The following CCDC178 variants were observed in gnomAD, a reference collection of about 807,000 sequenced individuals.
CCDC178 encodes the protein coiled-coil domain containing 178.
In CCDC178, 126 loss-of-function variants were observed where a neutral mutation model predicts 117.4. That is an observed-to-expected ratio of 1.07 (90% confidence interval 0.93 to 1.24). The LOEUF is 1.24. Ranked by LOEUF, CCDC178 falls within the 50% of genes most tolerant of loss-of-function variation. CCDC178 has a pLI of 0.00. For missense variants in CCDC178, 1,030 were observed against 986.9 expected, an observed-to-expected ratio of 1.04 and a Z score of -0.59; for synonymous variants, 283 against 313.4, an observed-to-expected ratio of 0.90 and a Z score of 1.02.
chr18:32,960,470 A>T (rs1453773783), intron 22 of CCDC178, among the ~76,000 whole-genome samples: 1 of 152,158 alleles, frequency 6.6e-6, no homozygotes, highest in Non-Finnish European at 1.5e-5. Context: ...TGAAAAAAAT[A>T]GAGTAGATTT....
intron 14 of CCDC178, among the ~76,000 whole-genome samples, chr18:33,252,560 C>T (rs1450031838): frequency 6.6e-6 from 1 of 151,724 alleles, no homozygotes; most frequent in East Asian, 1.9e-4. Flanking sequence ...TTTGACACTT[C>T]TGTGAAGCAA....
Position 33,102,171 on chromosome 18 carries a change from G to A in CCDC178, c.2239-9261C>T, listed in dbSNP as rs547274963. Among the ~76,000 whole-genome samples, 7 of 151,664 alleles carry A rather than the reference G, an allele frequency of 4.6e-5. No individual in the cohort carries two copies. In the East Asian group the frequency reaches 9.8e-4, roughly 21 times the overall value. On this transcript the variant is annotated intron_variant, in intron 20 of 22. Coordinates refer to ENST00000383096, the MANE Select transcript of CCDC178 (RefSeq NM_001105528.4). The stretch of plus-strand genomic sequence containing the variant: ...AAATTTAAAAAAATTTTTCTACATC[G>A]ATAATGAGGAAATAGGGGCAACGGA...
At chr18:33,313,464 C>A (rs2062370479) in intron 11 of CCDC178, among the ~76,000 whole-genome samples, 3 of 152,180 alleles carry the variant, frequency 2.0e-5, no homozygotes, top group Non-Finnish European at 4.4e-5. Flanking sequence ...ATAAAAGCCT[C>A]CAAATGTAGT....
At chr18:32,989,211 A>C (rs2055336716) in intron 21 of CCDC178, among the ~76,000 whole-genome samples, 1 of 152,236 alleles carries the variant, frequency 6.6e-6, no homozygotes, top group African/African-American at 2.4e-5. Flanking sequence ...TGCAAAATAT[A>C]TGTGGCAAGT....
In CCDC178 at chr18:33,424,439, G is replaced by A. The variant is rs142148427; in HGVS notation, c.-22-12329C>T. On this transcript the variant is annotated intron_variant, in intron 2 of 22. Transcript: ENST00000383096. Reference sequence around the variant, plus strand: ...GGCCAAGGCAGACATCCAGGCCTGCGTGACTCAGCTGGATTGGTGTACAGG... The same window carrying A: ...GGCCAAGGCAGACATCCAGGCCTGCATGACTCAGCTGGATTGGTGTACAGG... Among the ~76,000 whole-genome samples the A allele has an allele frequency of 1.9e-3, 292 of 152,304 alleles. 2 individuals are homozygous for A. The highest frequency in any genetic ancestry group is 0.014 in the Middle Eastern group (4 of 294).
intron 21 of CCDC178, among the ~76,000 whole-genome samples, chr18:33,040,773 C>T (rs1283626672): frequency 1.3e-5 from 2 of 151,862 alleles, no homozygotes; most frequent in African/African-American, 4.8e-5. Flanking sequence ...AGTATCAAAT[C>T]CCTACATGCA....
intron 4 of CCDC178, among the ~76,000 whole-genome samples, chr18:33,393,808 G>A (rs754596359): frequency 1.3e-4 from 20 of 151,776 alleles, no homozygotes; most frequent in African/African-American, 4.6e-4. Context: ...TGGGATAATA[G>A]TTTTGTGGAC....
intron 14 of CCDC178, among the ~76,000 whole-genome samples, chr18:33,250,659 A>T (rs2059610159): frequency 6.6e-6 from 1 of 151,724 alleles, no homozygotes; most frequent in Non-Finnish European, 1.5e-5. Context: ...GAATTATAAG[A>T]AGCAATTCAC....
intron 15 of CCDC178, among the ~76,000 whole-genome samples, chr18:33,228,123 T>C (rs1025805922): frequency 6.6e-6 from 1 of 152,202 alleles, no homozygotes; most frequent in South Asian, 2.1e-4. Context: ...TTTTATGTGT[T>C]AGAGAAAAGA....
intron 14 of CCDC178, among the ~76,000 whole-genome samples, chr18:33,258,295 A>G (rs1418304533): frequency 2.0e-5 from 3 of 152,050 alleles, no homozygotes; most frequent in African/African-American, 7.2e-5. Flanking sequence ...CCTCTCATAC[A>G]ATTTTCTAGC....
intron 3 of CCDC178, among the ~76,000 whole-genome samples, chr18:33,401,827 T>C (rs2144863480): frequency 6.6e-6 from 1 of 152,154 alleles, no homozygotes; most frequent in Non-Finnish European, 1.5e-5. Flanking sequence ...GTTGAAAACG[T>C]TAACTATTAA....
chr18:33,380,230 G>A (rs1032686145), intron 5 of CCDC178, among the ~76,000 whole-genome samples: 1 of 152,124 alleles, frequency 6.6e-6, no homozygotes, highest in Admixed American at 6.5e-5. Flanking sequence ...TCCTGCCCCC[G>A]GCCTGTGATG....
At chr18:33,179,126 AT>A (rs2058703591) in intron 20 of CCDC178, among the ~76,000 whole-genome samples, 1 of 105,428 alleles carries the variant, frequency 9.5e-6, no homozygotes, top group South Asian at 2.9e-4. Context: ...ATATATATAT[AT>A]AAACTATATA....
intron 2 of CCDC178, among the ~76,000 whole-genome samples, chr18:33,428,625 G>A (rs1259692807): frequency 3.3e-5 from 5 of 151,304 alleles, no homozygotes; most frequent in Admixed American, 6.6e-5. Flanking sequence ...CCAGCTACTC[G>A]GGAGGCTGAA....
At chr18:33,342,977 T>C (rs549633573) in intron 9 of CCDC178, among the ~76,000 whole-genome samples, 3 of 152,354 alleles carry the variant, frequency 2.0e-5, no homozygotes, top group Non-Finnish European at 2.9e-5. Context: ...ATCTGTCCTT[T>C]CTGATTACAC....
rs1568200668 is a variant in CCDC178 at position 33,397,193 on chromosome 18, TC to T, written c.73del (p.Glu25LysfsTer2). The T allele has an allele frequency of 3.7e-6, 6 of 1,606,368 alleles. No homozygotes were observed. In the Middle Eastern group the frequency reaches 6.6e-4, roughly 178 times the overall value. On this transcript the variant is annotated frameshift_variant, in exon 4 of 23. Coordinates refer to ENST00000383096, the MANE Select transcript of CCDC178 (RefSeq NM_001105528.4). LOFTEE classifies it high-confidence loss of function. ...DQTNIGLTCQ[E>X]VKALREKAWS... ...TGCCTTCTCTCTGAGAGCCTTTACT[TC>T]CTGACATGTTAAACCTATAAAAGGT...
intron 21 of CCDC178, among the ~76,000 whole-genome samples, chr18:33,046,481 C>A (rs984433825): frequency 5.3e-5 from 8 of 151,702 alleles, no homozygotes; most frequent in African/African-American, 1.7e-4. Flanking sequence ...ACAGCATATA[C>A]CTGTTAAAAA....
intron 21 of CCDC178, among the ~76,000 whole-genome samples, chr18:33,078,880 A>G (rs1210062243): frequency 6.6e-6 from 1 of 152,214 alleles, no homozygotes; most frequent in Non-Finnish European, 1.5e-5. Context: ...ATTCAATGCT[A>G]TTCCTATGAA....
intron 20 of CCDC178, among the ~76,000 whole-genome samples, chr18:33,195,981 G>T (rs1195758110): frequency 7.2e-5 from 11 of 152,146 alleles, no homozygotes; most frequent in Non-Finnish European, 1.5e-4. Flanking sequence ...TCTGGCCTTT[G>T]CCCTCACCTA....
Sources: allele counts gnomAD v4.1 joint callset (sites outside exome capture counted in the v4.1 genomes callset), GRCh38; gene constraint gnomAD v4.1.1; transcripts MANE v1.5; gene names NCBI Gene and HGNC (gene_info 2026-07-23, HGNC 2026-07-21).